Variants in KCNJ10 observed in about 807,000 individuals in gnomAD.
The protein encoded by KCNJ10 is potassium inwardly rectifying channel subfamily J member 10.
KCNJ10 carries 9 observed loss-of-function variants against 22.2 expected under a neutral mutation model. That is an observed-to-expected ratio of 0.40 (90% confidence interval 0.24 to 0.71). The LOEUF is 0.71. Among genes scored for constraint, KCNJ10 ranks in the 30% least tolerant of loss-of-function variants. The probability of loss-of-function intolerance (pLI) is 0.35; values close to 1 mark genes in which losing one functional copy is unlikely to be tolerated. For synonymous variants in KCNJ10, 184 were observed against 187.3 expected (o/e 0.98, Z 0.15); for missense variants, 337 against 482.7 (o/e 0.70, Z 2.83).
At position 160,042,391 on chromosome 1, in the gene KCNJ10, G is replaced by C; in HGVS notation, c.142C>G (p.Arg48Gly). ...CACAGGTCCTTGAGGTAGAGGAAGC[G>C]CTTGTCGGCAATGTGCTCCATTCTC... ...NVRMEHIADKRFLYLKDLWTT... is the reference protein window; with the variant it reads ...NVRMEHIADKGFLYLKDLWTT... The change falls in exon 2 of 2, where the codon CGC becomes GGC. Residue 48 changes from arginine (R) to glycine (G), a missense_variant. Physicochemically the swap from Arg to Gly is moderately radical, Grantham distance 125. This residue lies in a region of KCNJ10 where 107 missense variants were observed against 135.2 expected (regional missense o/e 0.79). Coordinates refer to ENST00000644903, the MANE Select transcript of KCNJ10 (RefSeq NM_002241.5). The C allele has an allele frequency of 6.2e-7, 1 of 1,614,120 alleles. No individual in the cohort carries two copies. Among genetic ancestry groups the C allele is most frequent in the Non-Finnish European group, 8.5e-7 (1 of 1,179,984 alleles).
At chr1:160,050,299 A>T in intron 1 of KCNJ10, among the ~76,000 whole-genome samples, 1 of 46,764 alleles carries the variant, frequency 2.1e-5, no homozygotes, top group African/African-American at 3.5e-5. Flanking sequence ...ACACCCAGCT[A>T]ATTTTTTTTT....
rs529994113 is a variant in KCNJ10, at chr1:160,042,894, G to A, written c.1-362C>T. 3.4e-5 allele frequency among the ~76,000 whole-genome samples: 5 copies of A among 146,954 alleles called. No homozygotes were observed. The South Asian group carries it at 6.4e-4, about 19-fold the overall frequency. ...AGAGGTTGCAGTGAGCCGACATCGC[G>A]CCACTGCACTCCAGCCTGGGTGACA... On this transcript the variant is annotated intron_variant, in intron 1 of 1. Coordinates refer to ENST00000644903, the MANE Select transcript of KCNJ10 (RefSeq NM_002241.5).
At chr1:160,049,695 A>ATATT in intron 1 of KCNJ10, among the ~76,000 whole-genome samples, 1 of 120,540 alleles carries the variant, frequency 8.3e-6, no homozygotes, top group Middle Eastern at 3.5e-3. Context: ...ATATATATAT[A>ATATT]TATATATATA....
chr1:160,053,091 G>T (rs1253551531), intron 1 of KCNJ10, among the ~76,000 whole-genome samples: 4 of 152,118 alleles, frequency 2.6e-5, no homozygotes, highest in African/African-American at 4.8e-5. Flanking sequence ...AGGACACATT[G>T]CGAGGTCAGT....
chr1:160,049,697 A>ATATATATATATT (rs1648851941), intron 1 of KCNJ10, among the ~76,000 whole-genome samples: 2 of 122,246 alleles, frequency 1.6e-5, no homozygotes, highest in South Asian at 2.6e-4. Flanking sequence ...ATATATATAT[A>ATATATATATATT]TATATATATA....
At chr1:160,046,443 T>G (rs893377138) in intron 1 of KCNJ10, among the ~76,000 whole-genome samples, 5 of 152,164 alleles carry the variant, frequency 3.3e-5, no homozygotes, top group African/African-American at 1.2e-4. Context: ...TGCCCCAGGT[T>G]CATTCTCTTG....
Position 160,041,578 on chromosome 1 carries a change from C to T in KCNJ10, c.955G>A (p.Ala319Thr), listed in dbSNP as rs1438219879. The stretch of plus-strand genomic sequence containing the variant: ...AAGTCAGCTATGTATTTACCACTGG[C>T]TGACAGTGAGATGGCAGGTGTGAAC... Reference protein sequence around the residue: ...YEFTPAISLSASGKYIADFSL... With the variant: ...YEFTPAISLSTSGKYIADFSL... Residue 319 changes from alanine (A) to threonine (T), a missense_variant, in exon 2 of 2, where the codon GCC becomes ACC. Ala to Thr is a moderately conservative substitution (Grantham distance 58). Coordinates refer to ENST00000644903, the MANE Select transcript of KCNJ10 (RefSeq NM_002241.5). The surrounding 1 kb of genome is among the most constrained non-coding windows in gnomAD (Gnocchi z 4.4). The T allele has an allele frequency of 6.2e-7, 1 of 1,614,172 alleles. No individual in the cohort carries two copies. Among genetic ancestry groups the T allele is most frequent in the Admixed American group, 1.7e-5 (1 of 60,026 alleles).
In KCNJ10 at chr1:160,042,344, C is replaced by T; in HGVS notation, c.189G>A (p.Gln63=). ...KDLWTTFIDM[Q]WRYKLLLFSA... The stretch of plus-strand genomic sequence containing the variant: ...AGAAGAGCAGAAGCTTGTAGCGCCA[C>T]TGCATGTCAATGAAGGTTGTCCACA... Residue 63 remains glutamine (Q), a synonymous_variant, in exon 2 of 2, where the codon CAG becomes CAA. Coordinates refer to ENST00000644903, the MANE Select transcript of KCNJ10 (RefSeq NM_002241.5). 1.9e-6 allele frequency: 3 copies of T among 1,613,160 alleles called. No individual in the cohort carries two copies. Among genetic ancestry groups the T allele is most frequent in the Non-Finnish European group, 2.5e-6 (3 of 1,179,130 alleles).
At position 160,041,498 on chromosome 1, in the gene KCNJ10, G is replaced by A. The variant is rs767170923; in HGVS notation, c.1035C>T (p.Ser345=). ...KVASPSGLRD[S]TVRYGDPEKL... ...TTTCAGGGTCTCCGTAGCGTACAGT[G>A]CTGTCACGGAGGCCACTAGGAGAGG... Residue 345 remains serine (S), a synonymous_variant, in exon 2 of 2, where the codon AGC becomes AGT. Transcript: ENST00000644903. This position sits in a 1 kb window ranked among gnomAD's most constrained non-coding sequence, Gnocchi z 4.4. 2 of 1,614,002 alleles carry A rather than the reference G, an allele frequency of 1.2e-6. No individual in the cohort carries two copies. Among genetic ancestry groups the A allele is most frequent in the South Asian group, 1.1e-5 (1 of 91,082 alleles).
intron 1 of KCNJ10, among the ~76,000 whole-genome samples, chr1:160,065,298 G>A (rs535248808): frequency 3.3e-5 from 5 of 152,228 alleles, no homozygotes; most frequent in African/African-American, 7.2e-5. Flanking sequence ...AAGAATAAGC[G>A]ATCAGAAATG....
chr1:160,049,699 A>T (rs865851927), intron 1 of KCNJ10, among the ~76,000 whole-genome samples: 1 of 123,680 alleles, frequency 8.1e-6, no homozygotes, highest in Non-Finnish European at 1.7e-5. Flanking sequence ...ATATATATAT[A>T]TATATATATA....
intron 1 of KCNJ10, among the ~76,000 whole-genome samples, chr1:160,046,892 C>T (rs1299002028): frequency 2.0e-5 from 3 of 152,206 alleles, no homozygotes; most frequent in Non-Finnish European, 4.4e-5. Flanking sequence ...CCAAAACAGT[C>T]CCAGCCGGCC....
intron 1 of KCNJ10, among the ~76,000 whole-genome samples, chr1:160,047,337 A>G (rs1030641277): frequency 2.6e-5 from 4 of 151,990 alleles, no homozygotes; most frequent in Non-Finnish European, 5.9e-5. Flanking sequence ...GAGTGCTTCA[A>G]CCTCCTCCCA....
chr1:160,045,301 T>G (rs952755841), intron 1 of KCNJ10, among the ~76,000 whole-genome samples: 2 of 152,216 alleles, frequency 1.3e-5, no homozygotes, highest in African/African-American at 4.8e-5. Context: ...TAACATGAAC[T>G]TCATTCAAAA....
intron 1 of KCNJ10, among the ~76,000 whole-genome samples, chr1:160,069,365 C>T (rs1571278574): frequency 1.3e-5 from 2 of 152,184 alleles, no homozygotes. Context: ...CTCACTCTAG[C>T]AGAAGTGGCC....
chr1:160,051,947 A>G (rs899808824), intron 1 of KCNJ10, among the ~76,000 whole-genome samples: 1 of 151,758 alleles, frequency 6.6e-6, no homozygotes, highest in African/African-American at 2.4e-5. Context: ...TCTTTTCCTT[A>G]TGGTTTCTCC....
intron 1 of KCNJ10, among the ~76,000 whole-genome samples, chr1:160,069,165 C>A (rs557365754): frequency 6.6e-6 from 1 of 152,340 alleles, no homozygotes; most frequent in African/African-American, 2.4e-5. Flanking sequence ...CCAGAACCCA[C>A]CCTCACTTTT....
Position 160,041,317 on chromosome 1 carries a change from C to A in KCNJ10, c.*76G>T. 1 of 1,432,174 alleles carries A rather than the reference C, an allele frequency of 7.0e-7. No individual in the cohort carries two copies. The highest frequency in any genetic ancestry group is 9.7e-7 in the Non-Finnish European group (1 of 1,034,248). 88.7% of individuals were successfully genotyped at this position (1,432,174 alleles called of 1,614,324 possible). ...GGTGCTTCGGGGGATCTCCAGTAAA[C>A]CCGGGTAGTATTCCTTACCAGGGCA... On this transcript the variant is annotated 3_prime_UTR_variant, in exon 2 of 2. Coordinates refer to ENST00000644903, the MANE Select transcript of KCNJ10 (RefSeq NM_002241.5). The surrounding 1 kb of genome is among the most constrained non-coding windows in gnomAD (Gnocchi z 4.4).
At chr1:160,057,481 A>T (rs1420136603) in intron 1 of KCNJ10, among the ~76,000 whole-genome samples, 1 of 152,106 alleles carries the variant, frequency 6.6e-6, no homozygotes, top group Non-Finnish European at 1.5e-5. Context: ...CCTCTCTATA[A>T]TTCCTCCAAA....
Sources: allele counts gnomAD v4.1 joint callset (sites outside exome capture counted in the v4.1 genomes callset), GRCh38; gene constraint gnomAD v4.1.1; regional missense constraint gnomAD v4.1.1; non-coding constraint Gnocchi (gnomAD v3.1); transcripts MANE v1.5; gene names NCBI Gene and HGNC (gene_info 2026-07-23, HGNC 2026-07-21).